Variants in PCCA observed in about 807,000 individuals in gnomAD.
PCCA encodes the protein propionyl-CoA carboxylase alpha chain, mitochondrial.
PCCA carries 74 observed loss-of-function variants against 101.3 expected under a neutral mutation model. The ratio of observed to expected loss-of-function variants is 0.73; its 90% confidence interval spans 0.61 to 0.89. The LOEUF is 0.89. Ranked by LOEUF, PCCA falls within the 40% of genes least tolerant of loss-of-function variation. The pLI, the probability that PCCA is intolerant of heterozygous loss-of-function variation, is 0.00. For missense variants in PCCA, 891 were observed against 907.0 expected, an observed-to-expected ratio of 0.98 and a Z score of 0.23; for synonymous variants, 294 against 313.6, an observed-to-expected ratio of 0.94 and a Z score of 0.66.
chr13:100,277,809 C>T (rs1446065039), intron 12 of PCCA, among the ~76,000 whole-genome samples: 2 of 152,120 alleles, frequency 1.3e-5, no homozygotes. Flanking sequence ...TCAGTGCCAG[C>T]CCACCATTTT....
chr13:100,489,028 G>A (rs2084657944), intron 21 of PCCA, among the ~76,000 whole-genome samples: 1 of 152,144 alleles, frequency 6.6e-6, no homozygotes. Context: ...AGTTTTGGCT[G>A]GGTGCGGTGG....
rs1002873667 is a variant in PCCA at position 100,299,894 on chromosome 13, A to G, written c.1066-1566A>G. On this transcript the variant is annotated intron_variant, in intron 12 of 23. Transcript: ENST00000376285. ...CACCCGGCTAATTGTTTTTATTTTT[A>G]GTAGAGACAGGGTTTCATCATGTTG... is the stretch of plus-strand genomic sequence containing the variant. 1.4e-4 allele frequency among the ~76,000 whole-genome samples: 21 copies of G among 152,172 alleles called. 1 individual carries two copies. Among genetic ancestry groups the G allele is most frequent in the Non-Finnish European group, 4.4e-5 (3 of 68,022 alleles).
chr13:100,507,718 G>A (rs1289078511), intron 21 of PCCA, among the ~76,000 whole-genome samples: 2 of 151,940 alleles, frequency 1.3e-5, no homozygotes, highest in East Asian at 3.9e-4. Context: ...GTGCAGTGGC[G>A]CGATCTCGGC....
Position 100,338,994 on chromosome 13 carries a change from T to C in PCCA, c.1541-1163T>C, listed in dbSNP as rs141926792. 2.8e-3 allele frequency among the ~76,000 whole-genome samples: 433 copies of C among 152,286 alleles called. 1 individual carries two copies. The highest frequency in any genetic ancestry group is 1.0e-2 in the African/African-American group (415 of 41,550). ...TTTAGGCAACTAGTTTTTTTCTTTTTTTGAATTGTACATTTGTTTCTTGGT... is the reference window on the plus strand; with the variant it reads ...TTTAGGCAACTAGTTTTTTTCTTTTCTTGAATTGTACATTTGTTTCTTGGT... On this transcript the variant is annotated intron_variant, in intron 17 of 23. Transcript: ENST00000376285.
chr13:100,251,045 C>T (rs2061719388), intron 8 of PCCA, among the ~76,000 whole-genome samples: 1 of 152,014 alleles, frequency 6.6e-6, no homozygotes, highest in South Asian at 2.1e-4. Flanking sequence ...CACTATGTGG[C>T]TTGGATGGGG....
At chr13:100,397,830 A>C (rs550672866) in intron 19 of PCCA, among the ~76,000 whole-genome samples, 2 of 152,328 alleles carry the variant, frequency 1.3e-5, no homozygotes, top group African/African-American at 4.8e-5. Flanking sequence ...TAAGGAAACT[A>C]GATGGAGATT....
intron 21 of PCCA, among the ~76,000 whole-genome samples, chr13:100,457,092 C>T (rs890451130): frequency 6.6e-6 from 1 of 152,158 alleles, no homozygotes; most frequent in Non-Finnish European, 1.5e-5. Context: ...GCACCTGACC[C>T]TATGCCCGCC....
chr13:100,179,562 G>C (rs1031179016), intron 6 of PCCA, among the ~76,000 whole-genome samples: 2 of 152,092 alleles, frequency 1.3e-5, no homozygotes, highest in African/African-American at 4.8e-5. Context: ...TCTTGCTTCT[G>C]TTTGCCTCTT....
intron 12 of PCCA, among the ~76,000 whole-genome samples, chr13:100,277,325 C>T (rs946731344): frequency 6.6e-6 from 1 of 152,156 alleles, no homozygotes; most frequent in Non-Finnish European, 1.5e-5. Flanking sequence ...AGCTTATATT[C>T]ATAGTCCTTT....
chr13:100,283,013 A>G (rs1038664063), intron 12 of PCCA, among the ~76,000 whole-genome samples: 4 of 151,876 alleles, frequency 2.6e-5, no homozygotes, highest in Non-Finnish European at 5.9e-5. Flanking sequence ...ATTTGGCCCA[A>G]CCCGGGTACA....
At chr13:100,436,855 C>G (rs995265989) in intron 20 of PCCA, among the ~76,000 whole-genome samples, 2 of 152,118 alleles carry the variant, frequency 1.3e-5, no homozygotes, top group African/African-American at 4.8e-5. Flanking sequence ...CCTGACCTCC[C>G]AACATTTGCG....
chr13:100,396,317 T>A (rs1461590341), intron 19 of PCCA, among the ~76,000 whole-genome samples: 1 of 152,184 alleles, frequency 6.6e-6, no homozygotes, highest in Admixed American at 6.5e-5. Flanking sequence ...TAGTTTTCCT[T>A]ATCTGTAGAA....
chr13:100,132,187 T>C (rs2050582655), intron 4 of PCCA, among the ~76,000 whole-genome samples: 1 of 152,208 alleles, frequency 6.6e-6, no homozygotes, highest in Non-Finnish European at 1.5e-5. Context: ...AGTAATAGGA[T>C]ACCCATCTTT....
chr13:100,409,774 A>G (rs2077918899), intron 19 of PCCA, among the ~76,000 whole-genome samples: 1 of 151,890 alleles, frequency 6.6e-6, no homozygotes, highest in African/African-American at 2.4e-5. Flanking sequence ...CCACTCGTTT[A>G]TTTATTTTTT....
At chr13:100,222,397 G>A (rs989147535) in intron 7 of PCCA, among the ~76,000 whole-genome samples, 1 of 151,982 alleles carries the variant, frequency 6.6e-6, no homozygotes, top group Non-Finnish European at 1.5e-5. Context: ...TTTAATACTA[G>A]TTTTATTTTT....
intron 21 of PCCA, among the ~76,000 whole-genome samples, chr13:100,496,754 T>C (rs977896277): frequency 3.9e-5 from 6 of 152,176 alleles, no homozygotes; most frequent in Admixed American, 6.5e-5. Context: ...TAAGTAGATG[T>C]CACCCAACCT....
At chr13:100,424,899 G>C (rs1390299144) in intron 19 of PCCA, among the ~76,000 whole-genome samples, 1 of 152,188 alleles carries the variant, frequency 6.6e-6, no homozygotes, top group Non-Finnish European at 1.5e-5. Flanking sequence ...TCATATTAAA[G>C]AGTTAGGGAA....
intron 4 of PCCA, among the ~76,000 whole-genome samples, chr13:100,142,548 C>T (rs571137699): frequency 6.6e-6 from 1 of 150,474 alleles, no homozygotes; most frequent in South Asian, 2.1e-4. Flanking sequence ...GATCTCGGCT[C>T]ATGCAACCTC....
chr13:100,349,004 G>A (rs2072920284), intron 18 of PCCA, among the ~76,000 whole-genome samples: 1 of 150,068 alleles, frequency 6.7e-6, no homozygotes, highest in Non-Finnish European at 1.5e-5. Context: ...GTACAGTGGT[G>A]TGATCTTGGC....
Sources: gnomAD v4.1 joint callset for allele counts (sites outside exome capture counted in the v4.1 genomes callset) on GRCh38, gnomAD v4.1.1 for gene constraint, MANE v1.5 for transcripts, NCBI Gene and HGNC (gene_info 2026-07-23, HGNC 2026-07-21) for gene names.